Variants in GLG1 observed in about 807,000 individuals in gnomAD.
GLG1 encodes the protein golgi glycoprotein 1.
In GLG1, 38 loss-of-function variants were observed where a neutral mutation model predicts 160.5. That is an observed-to-expected ratio of 0.24 (90% CI 0.18 to 0.31). The LOEUF (loss-of-function observed/expected upper bound fraction) is 0.31, where lower values mean the gene tolerates loss of function less well. Among genes scored for constraint, GLG1 ranks in the 10% least tolerant of loss-of-function variants. The pLI, the probability that GLG1 is intolerant of heterozygous loss-of-function variation, is 1.00. For missense variants in GLG1, 1,373 were observed against 1,505.2 expected (o/e 0.91, Z 1.45); for synonymous variants, 644 against 543.4 (o/e 1.19, Z -2.57).
At chr16:74,571,738 T>C (rs904420421) in intron 1 of GLG1, among the ~76,000 whole-genome samples, 5 of 151,752 alleles carry the variant, frequency 3.3e-5, no homozygotes, top group South Asian at 4.2e-4. Context: ...TGTGGGAAGA[T>C]AGCCTAAGCC....
rs564951833 is a variant in GLG1, at chr16:74,452,749, T to C, written c.*418A>G. On this transcript the variant is annotated 3_prime_UTR_variant, in exon 26 of 26. Transcript: ENST00000422840. ...CAGTCATATGAAAGACATAACCCCA[T>C]TGCCCAAATCAAGCCTGGAGGAGAT... The C allele has an allele frequency of 1.0e-5, 10 of 992,350 alleles. No homozygotes were observed. The South Asian group carries it at 1.4e-4, about 14-fold the overall frequency. The allele number at this position is 992,350 out of a possible 1,614,324, so 61.5% of individuals were successfully genotyped here. A position where few individuals can be genotyped will look rare whatever the true frequency, so the allele number is the denominator to read the frequency against.
At position 74,462,192 on chromosome 16, in the gene GLG1, G is replaced by A. The variant is rs2014825401; in HGVS notation, c.2938C>T (p.Leu980=). 3 of 1,564,022 alleles carry A rather than the reference G, an allele frequency of 1.9e-6. No individual in the cohort carries two copies. The highest frequency in any genetic ancestry group is 1.8e-6 in the Non-Finnish European group (2 of 1,134,782). Residue 980 remains leucine (L), a synonymous_variant, in exon 22 of 26, where the codon CTG becomes TTG. Transcript: ENST00000422840. ...ATCTGGTCTTCACAGTCTGAAGACA[G>A]GCGCTGCATGTGACAAAGGGAGGAT... ...CLKLRYADQR[L]SSDCEDQIRI... is the part of the protein sequence containing the mutation.
intron 1 of GLG1, chr16:74,563,067 G>A (rs2018551961): frequency 6.6e-6 from 1 of 152,156 alleles, no homozygotes. Context: ...TTTCCCAAAA[G>A]CATGGATCAA....
chr16:74,555,430 T>C (rs1184184081), intron 1 of GLG1, among the ~76,000 whole-genome samples: 1 of 152,176 alleles, frequency 6.6e-6, no homozygotes. Context: ...CTCACACCTA[T>C]AATCCCAGCA....
chr16:74,525,125 T>A (rs891550752), intron 2 of GLG1, among the ~76,000 whole-genome samples: 1 of 152,226 alleles, frequency 6.6e-6, no homozygotes, highest in Non-Finnish European at 1.5e-5. Context: ...GTACACATTT[T>A]TGTGTGAAAA....
chr16:74,493,183 ACTTTACT>A (rs752397352), intron 6 of GLG1, 43 bp from the exon 7 acceptor site: 1 of 1,400,624 alleles, frequency 7.1e-7, no homozygotes, highest in South Asian at 1.2e-5. Flanking sequence ...CACTCATGTA[ACTTTACT>A]GTTGACGTGT....
At chr16:74,458,187 A>G in intron 23 of GLG1, 193 bp from the exon 24 acceptor site, 1 of 508,578 alleles carries the variant, frequency 2.0e-6, no homozygotes, top group Non-Finnish European at 3.5e-6. Flanking sequence ...AACTACTTTT[A>G]GGGATACAAA....
At chr16:74,521,322 C>T (rs1304789331) in intron 2 of GLG1, among the ~76,000 whole-genome samples, 2 of 152,018 alleles carry the variant, frequency 1.3e-5, no homozygotes, top group African/African-American at 4.8e-5. Context: ...GTAATATGAA[C>T]TAACATGATA....
chr16:74,498,882 A>AAAG (rs1205241943), intron 4 of GLG1, among the ~76,000 whole-genome samples: 2 of 151,454 alleles, frequency 1.3e-5, no homozygotes, highest in African/African-American at 4.8e-5. Context: ...AAAAAAAAAA[A>AAAG]AAAAAAAGAT....
chr16:74,553,736 G>A (rs570503474), intron 1 of GLG1, among the ~76,000 whole-genome samples: 1 of 152,112 alleles, frequency 6.6e-6, no homozygotes, highest in East Asian at 1.9e-4. Context: ...GCCTCCCAAA[G>A]TGCTGGGATT....
intron 1 of GLG1, among the ~76,000 whole-genome samples, chr16:74,603,745 G>A (rs925022484): frequency 2.6e-5 from 4 of 152,100 alleles, no homozygotes; most frequent in Non-Finnish European, 5.9e-5. Context: ...CTAAGCAACA[G>A]TATCTTCTCT....
chr16:74,505,863 T>TA (rs1361289270), intron 3 of GLG1, among the ~76,000 whole-genome samples: 1 of 149,300 alleles, frequency 6.7e-6, no homozygotes, highest in African/African-American at 2.5e-5. Flanking sequence ...TCTAAACAAA[T>TA]AAACAAAAAA....
intron 4 of GLG1, 136 bp from the exon 5 acceptor site, chr16:74,496,780 A>T (rs956981895): frequency 3.1e-6 from 2 of 639,114 alleles, no homozygotes; most frequent in African/African-American, 1.8e-5. Context: ...GAGTTGACTT[A>T]TTAACGTTCT....
At position 74,515,981 on chromosome 16, in the gene GLG1, G is replaced by A. The variant is rs998178276; in HGVS notation, c.472-7056C>T. On this transcript the variant is annotated intron_variant, in intron 2 of 25. Transcript: ENST00000422840. ...GAAAGCCATTACATAACGGTAAAGG[G>A]ATCAATTCAACAAGAAGAGCTAACT... 1.3e-4 allele frequency among the ~76,000 whole-genome samples: 19 copies of A among 151,272 alleles called. 1 individual carries two copies. The highest frequency in any genetic ancestry group is 4.4e-4 in the African/African-American group (18 of 40,720).
chr16:74,590,538 G>A (rs1055130716), intron 1 of GLG1, among the ~76,000 whole-genome samples: 2 of 150,026 alleles, frequency 1.3e-5, no homozygotes, highest in African/African-American at 4.9e-5. Context: ...GGAGAATGGC[G>A]TGAATCCAGG....
intron 1 of GLG1, among the ~76,000 whole-genome samples, chr16:74,574,840 C>A (rs2018940157): frequency 8.0e-6 from 1 of 125,440 alleles, no homozygotes. Context: ...GCCTAGATTG[C>A]ACCACTGCAC....
intron 1 of GLG1, among the ~76,000 whole-genome samples, chr16:74,600,611 A>G (rs1958419434): frequency 6.6e-6 from 1 of 151,760 alleles, no homozygotes; most frequent in Non-Finnish European, 1.5e-5. Flanking sequence ...GCATGTCTGC[A>G]GTCCCAGCTA....
intron 1 of GLG1, among the ~76,000 whole-genome samples, chr16:74,604,947 G>A (rs1470779571): frequency 1.3e-5 from 2 of 152,156 alleles, no homozygotes; most frequent in Non-Finnish European, 2.9e-5. Context: ...TACTCAGGTG[G>A]CTGAGGCAGA....
chr16:74,567,455 A>T (rs1375580256), intron 1 of GLG1, among the ~76,000 whole-genome samples: 1 of 152,098 alleles, frequency 6.6e-6, no homozygotes, highest in Non-Finnish European at 1.5e-5. Flanking sequence ...TTCCTAGGAC[A>T]CAGGACTATT....
Sources: gnomAD v4.1 joint callset for allele counts (sites outside exome capture counted in the v4.1 genomes callset) on GRCh38, gnomAD v4.1.1 for gene constraint, MANE v1.5 for transcripts, NCBI Gene and HGNC (gene_info 2026-07-23, HGNC 2026-07-21) for gene names.